Variants in SPATA24 observed in about 807,000 individuals in gnomAD.
The protein encoded by SPATA24 is spermatogenesis-associated protein 24.
In SPATA24, 21 loss-of-function variants were observed where a neutral mutation model predicts 28.9. The observed-to-expected ratio is 0.73, with a 90% confidence interval of 0.52 to 1.05. The LOEUF is 1.05. Among genes scored for constraint, SPATA24 ranks in the 50% least tolerant of loss-of-function variants. SPATA24 has a pLI of 0.00. For synonymous variants in SPATA24, 76 were observed against 89.9 expected (o/e 0.85, Z 0.88); for missense variants, 215 against 242.9 (o/e 0.88, Z 0.76).
At chr5:139,394,837 TGCCGCTG>T (rs1379879812), downstream of SPATA24, 1 of 1,531,688 alleles carries the variant, frequency 6.5e-7, no homozygotes. Context: ...GCCGGGCCCG[TGCCGCTG>T]GCGGCTATTC....
At chr5:139,392,548 C>T (rs574830727), downstream of SPATA24, 708 of 1,348,052 alleles carry the variant, frequency 5.3e-4, 4 homozygotes, top group African/African-American at 9.4e-3. The surrounding 1 kb of genome is among the most constrained non-coding windows in gnomAD (Gnocchi z 5.8). Flanking sequence ...TGGGGCCGTC[C>T]TGCCCGCCAA....
downstream of SPATA24, chr5:139,393,000 G>A (rs1361072490): frequency 2.0e-6 from 3 of 1,518,906 alleles, no homozygotes; most frequent in African/African-American, 2.8e-5. The surrounding 1 kb of genome is among the most constrained non-coding windows in gnomAD (Gnocchi z 5.8). Context: ...GAGGCTCGTA[G>A]GGGTGCGGCA....
downstream of SPATA24, chr5:139,394,930 T>C (rs759829680): frequency 2.2e-5 from 33 of 1,519,664 alleles, no homozygotes; most frequent in Non-Finnish European, 2.7e-5. Flanking sequence ...CGCTGGGCCT[T>C]TCGCGTCCGG....
At chr5:139,399,365 C>A (rs1758777856) in intron 4 of SPATA24, among the ~76,000 whole-genome samples, 1 of 150,858 alleles carries the variant, frequency 6.6e-6, no homozygotes, top group Non-Finnish European at 1.5e-5. Flanking sequence ...AACACAAACT[C>A]TGAAAATACA....
chr5:139,403,827 A>C (rs915908390), intron 1 of SPATA24, 117 bp downstream of exon 1: 1 of 858,930 alleles, frequency 1.2e-6, no homozygotes, highest in Non-Finnish European at 1.8e-6. Context: ...CCTCCTCCTG[A>C]TGACGCCATG....
chr5:139,396,704 G>A, downstream of SPATA24: 1 of 1,547,832 alleles, frequency 6.5e-7, no homozygotes, highest in Non-Finnish European at 8.7e-7. Flanking sequence ...TATCCAAGAG[G>A]GAGGGAAGTA....
At chr5:139,394,246 G>T (rs547138617), downstream of SPATA24, 40 of 1,547,580 alleles carry the variant, frequency 2.6e-5, no homozygotes, top group African/African-American at 4.0e-4. Context: ...CCGGGTCTCA[G>T]GTTCCGACCG....
chr5:139,401,591 T>C, intron 4 of SPATA24, 164 bp downstream of exon 4: 1 of 750,404 alleles, frequency 1.3e-6, no homozygotes, highest in Non-Finnish European at 2.4e-6. Flanking sequence ...GTGGCCTGCC[T>C]GGTCCCTTAA....
chr5:139,392,670 A>G, downstream of SPATA24: 9 of 1,399,192 alleles, frequency 6.4e-6, no homozygotes, highest in Non-Finnish European at 8.4e-6. The surrounding 1 kb of genome is among the most constrained non-coding windows in gnomAD (Gnocchi z 5.8). Context: ...CTTGCATCTG[A>G]GGGGAGCCGG....
At chr5:139,396,392 G>C (rs946913803), downstream of SPATA24, 1 of 985,406 alleles carries the variant, frequency 1.0e-6, no homozygotes, top group South Asian at 4.7e-5. Flanking sequence ...GGTGTCAGCA[G>C]GTGCAAATGC....
chr5:139,403,859 C>A, intron 1 of SPATA24, 85 bp downstream of exon 1: 2 of 1,178,528 alleles, frequency 1.7e-6, no homozygotes, highest in Non-Finnish European at 2.4e-6. Flanking sequence ...CTAGCCACGG[C>A]CCCCGCATCG....
chr5:139,397,328 G>C (rs527504577), intron 4 of SPATA24, among the ~76,000 whole-genome samples, 185 bp from the exon 5 acceptor site: 3 of 152,084 alleles, frequency 2.0e-5, no homozygotes, highest in African/African-American at 7.2e-5. Flanking sequence ...AGTGTTTGAG[G>C]ATTGTTGTCA....
chr5:139,402,719 G>A (rs1170013009), intron 1 of SPATA24, 26 bp from the exon 2 acceptor site: 1 of 1,548,992 alleles, frequency 6.5e-7, no homozygotes, highest in East Asian at 2.4e-5. Flanking sequence ...GCTGAGGGAG[G>A]GCCTGGGGCT....
downstream of SPATA24, chr5:139,394,909 C>T (rs1758670109): frequency 2.6e-6 from 4 of 1,517,802 alleles, no homozygotes; most frequent in Non-Finnish European, 1.8e-6. Context: ...AGGAGCCACC[C>T]AGGGCCAATT....
downstream of SPATA24, chr5:139,394,052 G>A: frequency 1.3e-6 from 2 of 1,550,878 alleles, no homozygotes; most frequent in Non-Finnish European, 1.7e-6. Flanking sequence ...TCTGACTGAA[G>A]GAAGATGCTG....
chr5:139,394,073 G>C, downstream of SPATA24: 1 of 1,550,944 alleles, frequency 6.4e-7, no homozygotes, highest in Non-Finnish European at 8.7e-7. Context: ...GAACTAACAG[G>C]ACCCAGCGGC....
At chr5:139,394,400 G>A (rs1581396333), downstream of SPATA24, 1 of 1,390,896 alleles carries the variant, frequency 7.2e-7, no homozygotes, top group Non-Finnish European at 9.3e-7. Flanking sequence ...AGCAGCCGGG[G>A]GCGCGGCGCG....
At chr5:139,392,816 G>A, downstream of SPATA24, 1 of 1,516,170 alleles carries the variant, frequency 6.6e-7, no homozygotes, top group Non-Finnish European at 8.9e-7. This position sits in a 1 kb window ranked among gnomAD's most constrained non-coding sequence, Gnocchi z 5.8. Flanking sequence ...TCTCCTCCAG[G>A]GCCGCGCGCT....
chr5:139,401,602 G>T, intron 4 of SPATA24, 153 bp downstream of exon 4: 1 of 791,056 alleles, frequency 1.3e-6, no homozygotes, highest in East Asian at 2.7e-5. Flanking sequence ...GGTCCCTTAA[G>T]GCCTTTTCGA....
Sources: gnomAD v4.1 joint callset for allele counts (sites outside exome capture counted in the v4.1 genomes callset) on GRCh38, gnomAD v4.1.1 for gene constraint, Gnocchi (gnomAD v3.1) non-coding constraint, MANE v1.5 for transcripts, NCBI Gene and HGNC (gene_info 2026-07-23, HGNC 2026-07-21) for gene names.